SUSD1: variants seen among roughly 807,000 people sequenced by gnomAD.
The protein encoded by SUSD1 is sushi domain-containing protein 1.
SUSD1 carries 65 observed loss-of-function variants against 86.9 expected under a neutral mutation model. The ratio of observed to expected loss-of-function variants is 0.75; its 90% CI spans 0.61 to 0.92. The LOEUF (loss-of-function observed/expected upper bound fraction) is 0.92. Among genes scored for constraint, SUSD1 ranks in the 40% least tolerant of loss-of-function variants. The pLI is 0.00. For synonymous variants in SUSD1, 346 were observed against 350.0 expected (o/e 0.99, Z 0.13); for missense variants, 850 against 929.7 (o/e 0.91, Z 1.11).
At chr9:112,130,510 G>A (rs1031373365) in intron 5 of SUSD1, among the ~76,000 whole-genome samples, 2 of 145,360 alleles carry the variant, frequency 1.4e-5, no homozygotes, top group African/African-American at 5.1e-5. Context: ...GGAAAGGAGA[G>A]GGAAGGAAAA....
intron 6 of SUSD1, among the ~76,000 whole-genome samples, chr9:112,114,004 T>A (rs1831208205): frequency 6.6e-6 from 1 of 152,086 alleles, no homozygotes; most frequent in Non-Finnish European, 1.5e-5. Context: ...AATGATACAA[T>A]CTTATATACT....
At chr9:112,123,691 T>A (rs892713865) in intron 6 of SUSD1, among the ~76,000 whole-genome samples, 1 of 151,928 alleles carries the variant, frequency 6.6e-6, no homozygotes, top group African/African-American at 2.4e-5. Context: ...TCCCAGCTAC[T>A]CGGGAGGCTG....
rs559338287 is a variant in SUSD1 at position 112,098,053 on chromosome 9, G to A, written c.1474+417C>T. On this transcript the variant is annotated intron_variant, in intron 10 of 16. Transcript: ENST00000374270. ...CTATGTCAAGTTAATTTGCTTATGC[G>A]TGGCCTAGTCCTGAGGCTGTATTGC... Among the ~76,000 whole-genome samples, 9 of 152,258 alleles carry A rather than the reference G, an allele frequency of 5.9e-5. No individual in the cohort carries two copies. The South Asian group carries it at 6.2e-4, about 11-fold the overall frequency.
In SUSD1 at chr9:112,043,459, A is replaced by AC. The variant is rs903952619; in HGVS notation, c.2150-1500dup. ...ACCAATCAGCACTTCTGACTCACTG[A>AC]CCCCCCCATCCCCTACCCCCTACCC... is the stretch of plus-strand genomic sequence containing the variant. On this transcript the variant is annotated intron_variant, in intron 15 of 16. Coordinates refer to ENST00000374270, the MANE Select transcript of SUSD1 (RefSeq NM_022486.5). Among the ~76,000 whole-genome samples the AC allele has an allele frequency of 9.2e-5, 14 of 151,408 alleles. No individual in the cohort carries two copies. The South Asian group carries it at 1.3e-3, about 14-fold the overall frequency.
chr9:112,144,413 C>G (rs1564336014), intron 3 of SUSD1, among the ~76,000 whole-genome samples: 1 of 151,988 alleles, frequency 6.6e-6, no homozygotes, highest in Non-Finnish European at 1.5e-5. Context: ...TATCCAATCA[C>G]TATAAATATA....
chr9:112,091,811 G>A (rs1307951691), intron 10 of SUSD1, among the ~76,000 whole-genome samples: 1 of 152,134 alleles, frequency 6.6e-6, no homozygotes, highest in East Asian at 1.9e-4. Context: ...AAAGCTGGGA[G>A]CTTTACTGTT....
At chr9:112,057,240 C>T (rs1052515963) in intron 14 of SUSD1, among the ~76,000 whole-genome samples, 2 of 152,198 alleles carry the variant, frequency 1.3e-5, no homozygotes, top group Non-Finnish European at 2.9e-5. Context: ...TGATCTTGGG[C>T]TTCCCAGCAC....
chr9:112,046,632 A>G (rs976869128), intron 15 of SUSD1, among the ~76,000 whole-genome samples: 6 of 152,168 alleles, frequency 3.9e-5, no homozygotes, highest in Non-Finnish European at 8.8e-5. Flanking sequence ...ATGGGTGTGG[A>G]CATTTTTTCA....
rs80215167 is a variant in SUSD1, at chr9:112,063,019, C to T, written c.1768G>A (p.Glu590Lys). The T allele has an allele frequency of 5.3e-3, 8,561 of 1,612,074 alleles. 31 individuals are homozygous for T. The highest frequency in any genetic ancestry group is 6.4e-3 in the Non-Finnish European group (7,580 of 1,178,296). The change falls in exon 13 of 17, where the codon GAA becomes AAA. Residue 590 changes from glutamate to lysine, a missense_variant. Transcript: ENST00000374270. ...CTGTGCACCGTAAAAAATTCTACTT[C>T]CGGGAGGGGAGGCTCTGAAAACATG... ...TTQITEPPLP[E>K]VEFFTVHRGP...
intron 10 of SUSD1, among the ~76,000 whole-genome samples, chr9:112,086,566 G>A (rs1439280725): frequency 0.053 from 7,228 of 136,906 alleles, 723 homozygotes; most frequent in African/African-American, 0.21. Flanking sequence ...AAGAAAGAGA[G>A]AGAGAGAGAG....
chr9:112,138,777 T>G (rs142088162), intron 5 of SUSD1, among the ~76,000 whole-genome samples: 3 of 152,292 alleles, frequency 2.0e-5, no homozygotes, highest in African/African-American at 7.2e-5. Flanking sequence ...TAAATATTGT[T>G]TTTCTAACAT....
intron 15 of SUSD1, among the ~76,000 whole-genome samples, chr9:112,049,812 A>G (rs1309860993): frequency 1.3e-5 from 2 of 152,180 alleles, no homozygotes; most frequent in Non-Finnish European, 2.9e-5. Context: ...TTTTCCTATT[A>G]TCTTCCAGAG....
chr9:112,114,864 C>A (rs1187300706), intron 6 of SUSD1, among the ~76,000 whole-genome samples: 1 of 152,228 alleles, frequency 6.6e-6, no homozygotes, highest in Non-Finnish European at 1.5e-5. Flanking sequence ...GACTTAGTTT[C>A]TTCAGCGTCT....
In SUSD1 at chr9:112,074,845, T is replaced by A. The variant is rs564276653; in HGVS notation, c.1753+3693A>T. ...TAAGATCAAAGCAACTTGATTTTTT[T>A]ATGCTTCTTTAAAATTACGAGTCCT... On this transcript the variant is annotated intron_variant, in intron 12 of 16. Transcript: ENST00000374270. Among the ~76,000 whole-genome samples, 155 of 152,182 alleles carry A rather than the reference T, an allele frequency of 1.0e-3. 2 individuals are homozygous for A. The highest frequency in any genetic ancestry group is 3.3e-3 in the African/African-American group (137 of 41,514).
intron 6 of SUSD1, among the ~76,000 whole-genome samples, chr9:112,120,190 C>G (rs1831494794): frequency 6.6e-6 from 1 of 152,024 alleles, no homozygotes; most frequent in African/African-American, 2.4e-5. Flanking sequence ...GTCTGTAGTC[C>G]CAGCTGCTTG....
At chr9:112,173,864 G>A in intron 1 of SUSD1, 1 of 297,176 alleles carries the variant, frequency 3.4e-6, no homozygotes, top group Non-Finnish European at 6.8e-6. Context: ...GGAACTTGGG[G>A]TCCACCCCTT....
chr9:112,060,100 C>T (rs1191147771), intron 13 of SUSD1, among the ~76,000 whole-genome samples: 1 of 152,066 alleles, frequency 6.6e-6, no homozygotes, highest in Non-Finnish European at 1.5e-5. Flanking sequence ...TTTGAACTTC[C>T]TGCTTCACAT....
At chr9:112,049,997 A>C (rs967786236) in intron 15 of SUSD1, among the ~76,000 whole-genome samples, 19 of 152,202 alleles carry the variant, frequency 1.2e-4, no homozygotes, top group Admixed American at 1.1e-3. Context: ...TCTTCTACCC[A>C]GTTTGAATGT....
At chr9:112,081,013 A>G (rs1829745392) in intron 10 of SUSD1, among the ~76,000 whole-genome samples, 2 of 152,252 alleles carry the variant, frequency 1.3e-5, no homozygotes, top group Admixed American at 6.5e-5. Flanking sequence ...TCAGTTTCAT[A>G]GTAATCAATC....
Sources: gnomAD v4.1 joint callset for allele counts (sites outside exome capture counted in the v4.1 genomes callset) on GRCh38, gnomAD v4.1.1 for gene constraint, MANE v1.5 for transcripts, NCBI Gene and HGNC (gene_info 2026-07-23, HGNC 2026-07-21) for gene names.